The following ARHGAP24 variants were observed in gnomAD, a reference collection of about 807,000 sequenced individuals.
The protein encoded by ARHGAP24 is Rho GTPase activating protein 24, also known as rho GTPase-activating protein 24.
In ARHGAP24, 50 loss-of-function variants were observed where a neutral mutation model predicts 76.4. The ratio of observed to expected loss-of-function variants is 0.65; its 90% CI spans 0.52 to 0.83. ARHGAP24 has a LOEUF of 0.83. Among genes scored for constraint, ARHGAP24 ranks in the 40% least tolerant of loss-of-function variants. The probability of loss-of-function intolerance (pLI) is 0.00; values close to 1 mark genes in which losing one functional copy is unlikely to be tolerated. For missense variants in ARHGAP24, 930 were observed against 914.2 expected (o/e 1.02, Z -0.22); for synonymous variants, 345 against 323.3 (o/e 1.07, Z -0.72).
chr4:85,981,458 A>C (rs1560763367), intron 8 of ARHGAP24, among the ~76,000 whole-genome samples: 2 of 152,196 alleles, frequency 1.3e-5, no homozygotes. Flanking sequence ...TACGTGTGTC[A>C]GGATTTGGAA....
intron 3 of ARHGAP24, among the ~76,000 whole-genome samples, chr4:85,913,850 A>G (rs1735219036): frequency 6.6e-6 from 1 of 152,182 alleles, no homozygotes; most frequent in South Asian, 2.1e-4. Context: ...TAAAATGAGT[A>G]AGTTCTGAGG....
At chr4:85,513,325 G>T (rs1273435089) in intron 1 of ARHGAP24, among the ~76,000 whole-genome samples, 1 of 152,194 alleles carries the variant, frequency 6.6e-6, no homozygotes, top group African/African-American at 2.4e-5. Flanking sequence ...CACTGGAGGA[G>T]ACAGAAATCC....
intron 2 of ARHGAP24, among the ~76,000 whole-genome samples, chr4:85,646,716 G>C (rs1448893593): frequency 6.6e-6 from 1 of 151,924 alleles, no homozygotes; most frequent in Non-Finnish European, 1.5e-5. Flanking sequence ...CATGTACTAG[G>C]TTAGTTTCTG....
At chr4:85,630,043 T>G (rs1226154267) in intron 2 of ARHGAP24, among the ~76,000 whole-genome samples, 1 of 152,056 alleles carries the variant, frequency 6.6e-6, no homozygotes. Flanking sequence ...TCTTTTCTCT[T>G]CTTTCTTTCT....
At chr4:85,619,499 A>G (rs1183478649) in intron 2 of ARHGAP24, among the ~76,000 whole-genome samples, 1 of 151,750 alleles carries the variant, frequency 6.6e-6, no homozygotes, top group African/African-American at 2.4e-5. Context: ...ATTTCTGTAA[A>G]AAAAAAAAGT....
chr4:85,761,512 A>T (rs970027201), intron 3 of ARHGAP24, among the ~76,000 whole-genome samples: 13 of 152,206 alleles, frequency 8.5e-5, no homozygotes, highest in African/African-American at 3.1e-4. Flanking sequence ...AGAGAAGGGG[A>T]AAGATAAAAC....
At chr4:85,679,418 T>C (rs1259968088) in intron 2 of ARHGAP24, among the ~76,000 whole-genome samples, 6 of 152,134 alleles carry the variant, frequency 3.9e-5, no homozygotes, top group Admixed American at 3.9e-4. Flanking sequence ...CCAAAATGTA[T>C]TGAGGAAGTG....
chr4:85,740,358 G>A (rs1043378847), intron 3 of ARHGAP24, among the ~76,000 whole-genome samples: 2 of 151,832 alleles, frequency 1.3e-5, no homozygotes, highest in Admixed American at 6.6e-5. Flanking sequence ...GAGTAGCTGG[G>A]ATTATAGGTG....
rs150647351 is a variant in ARHGAP24 at position 85,912,950 on chromosome 4, A to G, written c.269-10698A>G. Among the ~76,000 whole-genome samples the G allele has an allele frequency of 2.8e-3, 420 of 152,206 alleles. 2 individuals carry two copies. Among genetic ancestry groups the G allele is most frequent in the African/African-American group, 9.8e-3 (405 of 41,530 alleles). On this transcript the variant is annotated intron_variant, in intron 3 of 9. Transcript: ENST00000395184. ...GCGATTATATGGATTGTCGAACCTT[A>G]TTAAAGATCCTGAGAAGAGTGAAAA...
At chr4:85,860,299 G>T (rs1027590686) in intron 3 of ARHGAP24, among the ~76,000 whole-genome samples, 1 of 152,008 alleles carries the variant, frequency 6.6e-6, no homozygotes, top group Non-Finnish European at 1.5e-5. Context: ...CCCCACGAGG[G>T]CTCACTCATA....
intron 2 of ARHGAP24, among the ~76,000 whole-genome samples, chr4:85,696,699 C>T (rs538561839): frequency 7.2e-5 from 11 of 152,310 alleles, no homozygotes; most frequent in African/African-American, 2.6e-4. Flanking sequence ...ATTCTTTCAA[C>T]CTAACTCACA....
intron 3 of ARHGAP24, among the ~76,000 whole-genome samples, chr4:85,736,504 G>A (rs908487990): frequency 2.6e-5 from 4 of 152,168 alleles, no homozygotes; most frequent in Non-Finnish European, 5.9e-5. Context: ...CGAATCCAAA[G>A]TTTGGTTAAG....
intron 3 of ARHGAP24, among the ~76,000 whole-genome samples, chr4:85,850,683 T>A (rs1014444678): frequency 3.9e-5 from 6 of 152,210 alleles, no homozygotes; most frequent in Admixed American, 6.5e-5. Flanking sequence ...AACATCTTTA[T>A]TTCTGCCTTC....
intron 3 of ARHGAP24, among the ~76,000 whole-genome samples, chr4:85,836,700 G>T (rs1730311024): frequency 6.6e-6 from 1 of 152,164 alleles, no homozygotes; most frequent in African/African-American, 2.4e-5. Context: ...TGGCTCAGAA[G>T]AAATAATAGT....
chr4:85,703,832 T>G (rs1236637085), intron 2 of ARHGAP24, among the ~76,000 whole-genome samples: 1 of 152,122 alleles, frequency 6.6e-6, no homozygotes, highest in Non-Finnish European at 1.5e-5. Context: ...TCAGGTTTAT[T>G]GAGGTATAAT....
At chr4:85,945,426 G>A (rs909640973) in intron 5 of ARHGAP24, among the ~76,000 whole-genome samples, 1 of 152,000 alleles carries the variant, frequency 6.6e-6, no homozygotes, top group Non-Finnish European at 1.5e-5. Flanking sequence ...TGCAACGAGT[G>A]TAAATAACAA....
At chr4:85,887,336 G>A (rs977468127) in intron 3 of ARHGAP24, among the ~76,000 whole-genome samples, 6 of 151,922 alleles carry the variant, frequency 3.9e-5, no homozygotes, top group African/African-American at 1.4e-4. Flanking sequence ...TCTCATCCAA[G>A]GTTAATTAAT....
At chr4:85,974,680 A>G (rs1739223056) in intron 6 of ARHGAP24, among the ~76,000 whole-genome samples, 1 of 152,244 alleles carries the variant, frequency 6.6e-6, no homozygotes, top group Non-Finnish European at 1.5e-5. Flanking sequence ...CTCCACAAAT[A>G]GTACTTATGG....
rs2148877734 is a variant in ARHGAP24, at chr4:86,001,707, G to A, written c.*985G>A. On this transcript the variant is annotated 3_prime_UTR_variant, in exon 10 of 10. Coordinates refer to ENST00000395184, the MANE Select transcript of ARHGAP24 (RefSeq NM_001025616.3). ...CACTTTAGAATACCAGCAGTGAAAT[G>A]GTATTACTGTTTCCCTCTGAGTGAA... 3.0e-6 allele frequency: 1 copy of A among 329,916 alleles called. No individual in the cohort carries two copies. The highest frequency in any genetic ancestry group is 2.1e-5 in the African/African-American group (1 of 47,320). The allele number at this position is 329,916 out of a possible 1,614,324, so 20.4% of individuals were successfully genotyped here. A position where few individuals can be genotyped will look rare whatever the true frequency, so the allele number is the denominator to read the frequency against.
Sources: allele counts gnomAD v4.1 joint callset (sites outside exome capture counted in the v4.1 genomes callset), GRCh38; gene constraint gnomAD v4.1.1; transcripts MANE v1.5; gene names NCBI Gene and HGNC (gene_info 2026-07-23, HGNC 2026-07-21).